Variants in LIPF observed in about 807,000 individuals in gnomAD.
The protein encoded by LIPF is lipase F, gastric type.
A neutral mutation model predicts 38.0 loss-of-function variants in LIPF; 25 were observed. The ratio of observed to expected loss-of-function variants is 0.66; its 90% CI spans 0.48 to 0.92. LIPF has a LOEUF of 0.92. LIPF is among the 40% of genes least tolerant of loss of function. The probability of loss-of-function intolerance (pLI) is 0.00; values close to 1 mark genes in which losing one functional copy is unlikely to be tolerated. For synonymous variants in LIPF, 161 were observed against 156.2 expected (o/e 1.03, Z -0.23); for missense variants, 410 against 469.9 (o/e 0.87, Z 1.18).
chr10:88,667,280 C>T lies in LIPF; in HGVS notation c.-11-7C>T. On this transcript the variant is annotated splice_region_variant and splice_polypyrimidine_tract_variant and intron_variant, in intron 1 of 9. Coordinates refer to ENST00000238983, the MANE Select transcript of LIPF (RefSeq NM_004190.4). Reference sequence around the variant, plus strand: ...TAACCATGGCACGGGTTATTCTTTTCTTTCAGGCAGGTCCAAAATGTGGCT... The same window carrying T: ...TAACCATGGCACGGGTTATTCTTTTTTTTCAGGCAGGTCCAAAATGTGGCT... 2 of 1,526,330 alleles carry T rather than the reference C, an allele frequency of 1.3e-6. No individual in the cohort carries two copies. Among genetic ancestry groups the T allele is most frequent in the Non-Finnish European group, 1.8e-6 (2 of 1,102,804 alleles). 94.5% of individuals were successfully genotyped at this position (1,526,330 alleles called of 1,614,324 possible). A position where few individuals can be genotyped will look rare whatever the true frequency, so the allele number is the denominator to read the frequency against.
intron 3 of LIPF, 33 bp from the exon 4 acceptor site, chr10:88,668,525 A>T (rs961541101): frequency 6.3e-7 from 1 of 1,587,856 alleles, no homozygotes; most frequent in Non-Finnish European, 8.6e-7. Flanking sequence ...TAAGGAATAC[A>T]TTTATAAAGT....
chr10:88,678,522 T>C lies in LIPF; in HGVS notation c.1038T>C (p.Ala346=), dbSNP rs1841723040. The C allele has an allele frequency of 1.9e-6, 3 of 1,614,088 alleles. No homozygotes were observed. Among genetic ancestry groups the C allele is most frequent in the Non-Finnish European group, 2.5e-6 (3 of 1,179,952 alleles). Residue 346 remains alanine, a synonymous_variant, in exon 10 of 10, where the codon GCT becomes GCC. Coordinates refer to ENST00000238983, the MANE Select transcript of LIPF (RefSeq NM_004190.4). ...AVWNGGKDLL[A]DPQDVGLLLP... ...GGAACGGTGGCAAGGACCTGTTGGC[T>C]GACCCCCAAGATGTTGGCCTTTTGC...
intron 6 of LIPF, among the ~76,000 whole-genome samples, chr10:88,672,664 A>ACTCTCT (rs1397216884): frequency 6.5e-5 from 8 of 123,272 alleles, no homozygotes; most frequent in African/African-American, 1.6e-4. Context: ...ACACACACAC[A>ACTCTCT]CACACACTCT....
rs767649501 is a variant in LIPF, at chr10:88,667,266, C to T, written c.-11-21C>T. ...AAAGTATAATGGATTAACCATGGCA[C>T]GGGTTATTCTTTTCTTTCAGGCAGG... On this transcript the variant is annotated intron_variant, in intron 1 of 9. Transcript: ENST00000238983. The T allele has an allele frequency of 3.6e-5, 48 of 1,321,654 alleles. No homozygotes were observed. The East Asian group carries it at 6.0e-4, about 16-fold the overall frequency. The allele number at this position is 1,321,654 out of a possible 1,614,324, so 81.9% of individuals were successfully genotyped here.
chr10:88,665,357 C>T, intron 1 of LIPF: 1 of 536,074 alleles, frequency 1.9e-6, no homozygotes, highest in Admixed American at 2.7e-5. Context: ...CTATTACAGG[C>T]CCTGTTTTAT....
At chr10:88,675,413 C>T (rs1841669845) in intron 7 of LIPF, 173 bp from the exon 8 acceptor site, 1 of 576,478 alleles carries the variant, frequency 1.7e-6, no homozygotes, top group African/African-American at 1.9e-5. Context: ...TTAACACATG[C>T]AATTGCACTT....
chr10:88,669,973 G>C (rs746912614), intron 5 of LIPF, 27 bp downstream of exon 5: 1 of 1,451,332 alleles, frequency 6.9e-7, no homozygotes, highest in Admixed American at 1.8e-5. Flanking sequence ...AAGGCCAAGT[G>C]GTTTACTTCT....
At chr10:88,677,404 A>G (rs1432373773) in intron 9 of LIPF, among the ~76,000 whole-genome samples, 5 of 152,148 alleles carry the variant, frequency 3.3e-5, no homozygotes, top group African/African-American at 7.2e-5. Context: ...AACTAAACCA[A>G]TAATATACCA....
chr10:88,666,931 A>G (rs1404949875), intron 1 of LIPF, among the ~76,000 whole-genome samples: 1 of 152,112 alleles, frequency 6.6e-6, no homozygotes, highest in East Asian at 1.9e-4. Flanking sequence ...AGCAGGCAAA[A>G]GTCTTAAACA....
At position 88,665,414 on chromosome 10, in the gene LIPF, T is replaced by C. The variant is rs773860432; in HGVS notation, c.-12+923T>C. The C allele has an allele frequency of 1.3e-5, 9 of 703,708 alleles. No individual in the cohort carries two copies. In the Admixed American group the frequency reaches 1.6e-4, roughly 13 times the overall value. 43.6% of individuals were successfully genotyped at this position (703,708 alleles called of 1,614,324 possible). A position where few individuals can be genotyped will look rare whatever the true frequency, so the allele number is the denominator to read the frequency against. On this transcript the variant is annotated intron_variant, in intron 1 of 9. Coordinates refer to ENST00000238983, the MANE Select transcript of LIPF (RefSeq NM_004190.4). ...AAGATAGTTCATTTCACGTATACCATGTTGAACACACAGTACAGCACACAG... is the reference window on the plus strand; with the variant it reads ...AAGATAGTTCATTTCACGTATACCACGTTGAACACACAGTACAGCACACAG...
intron 8 of LIPF, 66 bp downstream of exon 8, chr10:88,675,723 C>A: frequency 8.5e-7 from 1 of 1,172,860 alleles, no homozygotes; most frequent in Non-Finnish European, 1.3e-6. Flanking sequence ...TTTACCTAAA[C>A]ACATTCTTAA....
chr10:88,674,913 C>G (rs183706652), intron 7 of LIPF, among the ~76,000 whole-genome samples: 1 of 152,170 alleles, frequency 6.6e-6, no homozygotes, highest in Admixed American at 6.5e-5. Context: ...CCTCATCACA[C>G]GAACAAAAGG....
intron 1 of LIPF, chr10:88,665,614 G>T: frequency 4.4e-6 from 6 of 1,378,766 alleles, no homozygotes. Context: ...AGGTCATGTG[G>T]GTTCCTGAAA....
chr10:88,665,360 T>C, intron 1 of LIPF: 1 of 541,654 alleles, frequency 1.8e-6, no homozygotes, highest in Admixed American at 2.7e-5. Flanking sequence ...TTACAGGCCC[T>C]GTTTTATAGA....
intron 7 of LIPF, 93 bp downstream of exon 7, chr10:88,673,827 G>C (rs1272515075): frequency 4.9e-6 from 5 of 1,011,572 alleles, no homozygotes; most frequent in Non-Finnish European, 7.5e-6. Context: ...AGAACTAGGA[G>C]TAGGTTCAGA....
intron 1 of LIPF, among the ~76,000 whole-genome samples, chr10:88,666,148 C>A (rs776933019): frequency 2.0e-5 from 3 of 152,190 alleles, no homozygotes; most frequent in Non-Finnish European, 4.4e-5. Context: ...TCTGGTTTTA[C>A]TGTAAATCAG....
intron 7 of LIPF, among the ~76,000 whole-genome samples, chr10:88,674,961 T>A (rs1231697506): frequency 6.6e-6 from 1 of 152,126 alleles, no homozygotes; most frequent in Non-Finnish European, 1.5e-5. Context: ...GAGAGTCTTA[T>A]AAGAAAAATA....
intron 1 of LIPF, among the ~76,000 whole-genome samples, chr10:88,665,962 C>A (rs1051533119): frequency 6.6e-6 from 1 of 152,072 alleles, no homozygotes; most frequent in Non-Finnish European, 1.5e-5. Context: ...TGGCCTCGAT[C>A]TCCTGACCTC....
chr10:88,674,469 AC>A (rs1342779732), intron 7 of LIPF, among the ~76,000 whole-genome samples: 1 of 152,194 alleles, frequency 6.6e-6, no homozygotes, highest in Admixed American at 6.5e-5. Context: ...CGCCCGGCTG[AC>A]TTTGCCCATA....
Sources: allele counts gnomAD v4.1 joint callset (sites outside exome capture counted in the v4.1 genomes callset), GRCh38; gene constraint gnomAD v4.1.1; transcripts MANE v1.5; gene names NCBI Gene and HGNC (gene_info 2026-07-23, HGNC 2026-07-21).